Variants in GNB4 observed in about 807,000 individuals in gnomAD.
GNB4 encodes G protein subunit beta 4, also known as guanine nucleotide-binding protein subunit beta-4.
GNB4 carries 28 observed loss-of-function variants against 45.2 expected under a neutral mutation model. The ratio of observed to expected loss-of-function variants is 0.62; its 90% CI spans 0.46 to 0.85. The LOEUF (loss-of-function observed/expected upper bound fraction) is 0.85, where lower values mean the gene tolerates loss of function less well. Ranked by LOEUF, GNB4 falls within the 40% of genes least tolerant of loss-of-function variation. The pLI, the probability that GNB4 is intolerant of heterozygous loss-of-function variation, is 0.00. For synonymous variants in GNB4, 132 were observed against 143.7 expected (o/e 0.92, Z 0.58); for missense variants, 321 against 425.4 (o/e 0.75, Z 2.16).
chr3:179,523,039 T>C, the GNB4 span, among the ~76,000 whole-genome samples: 1 of 151,642 alleles, frequency 6.6e-6, no homozygotes, highest in Admixed American at 6.6e-5. Flanking sequence ...GTCAGCTAGG[T>C]TTGCTTTTGT....
chr3:179,413,200 A>C (rs531205200), intron 8 of GNB4, among the ~76,000 whole-genome samples: 58 of 152,216 alleles, frequency 3.8e-4, no homozygotes, highest in Non-Finnish European at 6.6e-4. Flanking sequence ...ATAACAACAA[A>C]AAAAAATCCA....
At chr3:179,430,158 T>G (rs1715268201) in intron 1 of GNB4, among the ~76,000 whole-genome samples, 2 of 151,422 alleles carry the variant, frequency 1.3e-5, no homozygotes, top group East Asian at 2.0e-4. Context: ...CAGTGGTGGT[T>G]AACTGCAGCT....
At chr3:179,494,026 C>A in the GNB4 span, among the ~76,000 whole-genome samples, 1 of 152,180 alleles carries the variant, frequency 6.6e-6, no homozygotes, top group Non-Finnish European at 1.5e-5. Flanking sequence ...AGTTGTTGGA[C>A]TTCATGCTAC....
chr3:179,526,815 T>G, the GNB4 span, among the ~76,000 whole-genome samples: 1 of 152,162 alleles, frequency 6.6e-6, no homozygotes, highest in Non-Finnish European at 1.5e-5. Context: ...AAAAATAAAT[T>G]TCAGTATTAC....
chr3:179,402,224 T>C (rs1186923292), intron 9 of GNB4, among the ~76,000 whole-genome samples: 1 of 152,178 alleles, frequency 6.6e-6, no homozygotes, highest in East Asian at 1.9e-4. Flanking sequence ...GGGAAATGAA[T>C]TAGCAATTCA....
chr3:179,518,309 GACAA>G, the GNB4 span, among the ~76,000 whole-genome samples: 5 of 152,030 alleles, frequency 3.3e-5, no homozygotes, highest in Admixed American at 6.5e-5. Context: ...TCATAAAATG[GACAA>G]ACAGTCTGAG....
intron 1 of GNB4, among the ~76,000 whole-genome samples, chr3:179,445,350 T>C (rs1329644224): frequency 6.6e-6 from 1 of 152,156 alleles, no homozygotes. Context: ...AGTGGCATGA[T>C]CATAGTTCAC....
chr3:179,464,933 G>A, the GNB4 span: 2 of 1,537,058 alleles, frequency 1.3e-6, no homozygotes, highest in Non-Finnish European at 1.8e-6. Flanking sequence ...GAAGAATGTG[G>A]TTGTGGCTGG....
At chr3:179,417,803 C>A (rs1714846891) in intron 4 of GNB4, among the ~76,000 whole-genome samples, 1 of 152,188 alleles carries the variant, frequency 6.6e-6, no homozygotes, top group Admixed American at 6.5e-5. Flanking sequence ...CAGTTCCTTT[C>A]CCTAGAGGTA....
Position 179,416,493 on chromosome 3 carries a change from CT to C in GNB4, c.266del (p.Lys89ArgfsTer7), listed in dbSNP as rs745554606. 6.5e-7 allele frequency: 1 copy of C among 1,536,304 alleles called. No homozygotes were observed. The highest frequency in any genetic ancestry group is 1.2e-5 in the South Asian group (1 of 85,750). ...LIIWDSYTTN[K>X]MHAIPLRSSW... ...TAAAAGAATTATGAAGAAATTCTAC[CT>C]TATTTGTTGTATAGCTATCCCAAAT... On this transcript the variant is annotated frameshift_variant and splice_region_variant, in exon 5 of 10. Coordinates refer to ENST00000232564, the MANE Select transcript of GNB4 (RefSeq NM_021629.4). LOFTEE classifies it high-confidence loss of function.
chr3:179,497,913 G>A, the GNB4 span, among the ~76,000 whole-genome samples: 19 of 152,260 alleles, frequency 1.2e-4, no homozygotes, highest in African/African-American at 4.3e-4. Context: ...GCAAAGATGT[G>A]GAGAAAAGAG....
chr3:179,519,143 C>A, the GNB4 span, among the ~76,000 whole-genome samples: 1 of 152,202 alleles, frequency 6.6e-6, no homozygotes, highest in Non-Finnish European at 1.5e-5. Context: ...GCTACAAGTG[C>A]CAGAAATATG....
the GNB4 span, among the ~76,000 whole-genome samples, chr3:179,495,649 G>GGGAA: frequency 1.3e-5 from 2 of 150,458 alleles, no homozygotes; most frequent in Non-Finnish European, 1.5e-5. Context: ...CAGGGAGGGA[G>GGGAA]GGAAGGAAGG....
chr3:179,426,491 G>C (rs1222807701), intron 1 of GNB4, among the ~76,000 whole-genome samples: 1 of 152,146 alleles, frequency 6.6e-6, no homozygotes, highest in South Asian at 2.1e-4. Flanking sequence ...GAATTATGGG[G>C]AATTAGTACC....
rs114283286 is a variant in GNB4 at position 179,441,324 on chromosome 3, A to T, written c.-43+10022T>A. Among the ~76,000 whole-genome samples the T allele has an allele frequency of 5.0e-3, 755 of 152,352 alleles. 5 individuals carry two copies. Among genetic ancestry groups the T allele is most frequent in the African/African-American group, 0.017 (715 of 41,576 alleles). On this transcript the variant is annotated intron_variant, in intron 1 of 9. Transcript: ENST00000232564. ...ACCATACACCTAGGCTCTATAGCAT[A>T]TAGCCTATTGCTCCTGGGCTACTAA...
the GNB4 span, chr3:179,465,134 A>G: frequency 5.8e-5 from 75 of 1,303,206 alleles, no homozygotes; most frequent in African/African-American, 1.0e-3. Flanking sequence ...CACAGCAGAT[A>G]TGATCAAGGA....
At chr3:179,444,865 C>T (rs1715680196) in intron 1 of GNB4, among the ~76,000 whole-genome samples, 1 of 152,050 alleles carries the variant, frequency 6.6e-6, no homozygotes, top group African/African-American at 2.4e-5. Context: ...AGACATAAAA[C>T]CTCATTCAGC....
At chr3:179,527,790 A>ATGTGTGTGTGTGTGTGTGTG in the GNB4 span, among the ~76,000 whole-genome samples, 1 of 142,336 alleles carries the variant, frequency 7.0e-6, no homozygotes. Flanking sequence ...GTGTGTATGT[A>ATGTGTGTGTGTGTGTGTGTG]TGTGTGTGTG....
At chr3:179,436,411 A>G (rs1032077410) in intron 1 of GNB4, among the ~76,000 whole-genome samples, 7 of 152,124 alleles carry the variant, frequency 4.6e-5, no homozygotes, top group African/African-American at 1.7e-4. Context: ...AAAATGAAAT[A>G]AAATAAAATA....
Sources: allele counts gnomAD v4.1 joint callset (sites outside exome capture counted in the v4.1 genomes callset), GRCh38; gene constraint gnomAD v4.1.1; transcripts MANE v1.5; gene names NCBI Gene and HGNC (gene_info 2026-07-23, HGNC 2026-07-21).